Variants in MATK observed in about 807,000 individuals in gnomAD.
The protein encoded by MATK is megakaryocyte-associated tyrosine-protein kinase.
MATK carries 41 observed loss-of-function variants against 59.8 expected under a neutral mutation model. That is an observed-to-expected ratio of 0.69 (90% CI 0.53 to 0.89). MATK has a LOEUF of 0.89. Ranked by LOEUF, MATK falls within the 40% of genes least tolerant of loss-of-function variation. The pLI, the probability that MATK is intolerant of heterozygous loss-of-function variation, is 0.00. For synonymous variants in MATK, 308 were observed against 306.1 expected, an observed-to-expected ratio of 1.01 and a Z score of -0.06; for missense variants, 593 against 719.6, an observed-to-expected ratio of 0.82 and a Z score of 2.01.
chr19:3,795,290 T>TTTA (rs2037583626), intron 1 of MATK, among the ~76,000 whole-genome samples: 1 of 150,996 alleles, frequency 6.6e-6, no homozygotes. Context: ...TTTTTTTTTT[T>TTTA]GAGACAGAGT....
intron 8 of MATK, among the ~76,000 whole-genome samples, chr19:3,780,398 T>A (rs1462394936): frequency 6.6e-6 from 1 of 152,134 alleles, no homozygotes; most frequent in Non-Finnish European, 1.5e-5. Flanking sequence ...ACCCTTCAGC[T>A]CAAAATGTTT....
chr19:3,789,520 C>G (rs73535363), upstream of MATK: 2 of 524,260 alleles, frequency 3.8e-6, no homozygotes, highest in Non-Finnish European at 3.4e-6. Flanking sequence ...CAGAGAAGGG[C>G]GGACTTAAGG....
intron 1 of MATK, among the ~76,000 whole-genome samples, chr19:3,792,918 G>A (rs956464251): frequency 6.6e-6 from 1 of 152,210 alleles, no homozygotes; most frequent in African/African-American, 2.4e-5. Context: ...CATGGAAGCC[G>A]TCCCCGGCCT....
chr19:3,792,265 TCTC>T (rs1326975906), intron 1 of MATK, among the ~76,000 whole-genome samples: 3 of 152,104 alleles, frequency 2.0e-5, no homozygotes, highest in Non-Finnish European at 4.4e-5. Context: ...TTCTTATTCT[TCTC>T]TACAAATACT....
chr19:3,786,808 T>G (rs1318278007), upstream of MATK, among the ~76,000 whole-genome samples: 1 of 151,972 alleles, frequency 6.6e-6, no homozygotes, highest in East Asian at 1.9e-4. This position sits in a 1 kb window ranked among gnomAD's most constrained non-coding sequence, Gnocchi z 4.1. Context: ...ATCATCAACA[T>G]TAAGGGAAAA....
chr19:3,792,913 A>G (rs1478924674), intron 1 of MATK, among the ~76,000 whole-genome samples: 2 of 152,186 alleles, frequency 1.3e-5, no homozygotes, highest in Admixed American at 1.3e-4. Context: ...GCCTCCATGG[A>G]AGCCGTCCCC....
At chr19:3,788,755 T>C (rs896925308), upstream of MATK, among the ~76,000 whole-genome samples, 2 of 150,532 alleles carry the variant, frequency 1.3e-5, no homozygotes, top group African/African-American at 4.9e-5. Flanking sequence ...GCCACTGCAC[T>C]ATCTCAGCTC....
intron 3 of MATK, 138 bp from the exon 4 acceptor site, chr19:3,784,589 CA>C: frequency 1.5e-6 from 1 of 665,900 alleles, no homozygotes; most frequent in Non-Finnish European, 2.6e-6. Flanking sequence ...AAAACAGACG[CA>C]GACATCGGGG....
rs1449263803 is a variant in MATK, at chr19:3,779,395, C to T, written c.984G>A (p.Gln328=). ...CCACTTACAGAGAAAACTGCAGGAG[C>T]TGAGCGGTGTTCACGAGGGCTCGAC... The part of the protein sequence containing the change: ...TRGRALVNTA[Q]LLQFSLHVAE... Residue 328 remains glutamine (Q), a synonymous_variant, in exon 11 of 14, where the codon CAG becomes CAA. Transcript: ENST00000310132. 6.2e-7 allele frequency: 1 copy of T among 1,613,340 alleles called. No homozygotes were observed. The highest frequency in any genetic ancestry group is 8.5e-7 in the Non-Finnish European group (1 of 1,180,014).
intron 1 of MATK, among the ~76,000 whole-genome samples, chr19:3,792,364 T>C (rs555734236): frequency 1.3e-5 from 2 of 152,200 alleles, no homozygotes; most frequent in South Asian, 4.2e-4. Context: ...AGGGTTGGGA[T>C]TGGCTGGCTG....
In MATK at chr19:3,778,603, G is replaced by A; in HGVS notation, c.1198-8C>T. On this transcript the variant is annotated splice_polypyrimidine_tract_variant and splice_region_variant and intron_variant, in intron 12 of 13. Transcript: ENST00000310132. ...CGACTTGCTGGTGAACTTCTGTGGG[G>A]CCCGAGACGGGGGTGAGGAGGGACC... The A allele has an allele frequency of 6.2e-7, 1 of 1,606,492 alleles. No homozygotes were observed. Among genetic ancestry groups the A allele is most frequent in the Non-Finnish European group, 8.5e-7 (1 of 1,176,630 alleles).
intron 1 of MATK, among the ~76,000 whole-genome samples, chr19:3,799,032 T>G (rs2037620314): frequency 6.6e-6 from 1 of 151,364 alleles, no homozygotes; most frequent in Non-Finnish European, 1.5e-5. Context: ...CTCAAACTCC[T>G]GGGCTCAAGT....
Position 3,795,215 on chromosome 19 carries a change from G to A in MATK, c.-57-5811C>T, listed in dbSNP as rs1599208221. 3.3e-5 allele frequency among the ~76,000 whole-genome samples: 5 copies of A among 149,270 alleles called. 1 individual carries two copies. In the Admixed American group the frequency reaches 3.4e-4, roughly 10 times the overall value. ...GATGGTCTCGATCTCCTGACCTCGT[G>A]ATCCGCCCACCTCGGCCTCCCAAAG... On this transcript the variant is annotated intron_variant, in intron 1 of 13. Coordinates refer to the MATK transcript ENST00000395045.
chr19:3,779,123 G>A lies in MATK; in HGVS notation c.1066C>T (p.Arg356Cys), dbSNP rs1446673737. 3 of 1,609,694 alleles carry A rather than the reference G, an allele frequency of 1.9e-6. No individual in the cohort carries two copies. Among genetic ancestry groups the A allele is most frequent in the Non-Finnish European group, 1.7e-6 (2 of 1,179,072 alleles). ...AGGTCCTCTGAGACCAGGATGTTGC[G>A]GGCGGCCAGGTCGCGGTGCACAAGC... is the stretch of plus-strand genomic sequence containing the variant. The part of the protein sequence containing the change: ...KKLVHRDLAA[R>C]NILVSEDLVA... Residue 356 changes from arginine to cysteine, a missense_variant, in exon 12 of 14, where the codon CGC (arginine) becomes TGC (cysteine). Coordinates refer to ENST00000310132, the MANE Select transcript of MATK (RefSeq NM_139355.3).
chr19:3,793,729 C>T (rs573426114), intron 1 of MATK, among the ~76,000 whole-genome samples: 5 of 147,268 alleles, frequency 3.4e-5, no homozygotes, highest in South Asian at 2.1e-4. Context: ...ATTAGCTGGG[C>T]GTGGTGGCAT....
upstream of MATK, among the ~76,000 whole-genome samples, chr19:3,790,751 A>T (rs939219369): frequency 2.6e-5 from 4 of 152,110 alleles, no homozygotes; most frequent in Non-Finnish European, 5.9e-5. Context: ...TCTCCCACAC[A>T]CAACTCATGT....
chr19:3,781,809 T>A (rs528133555), intron 7 of MATK, 137 bp from the exon 8 acceptor site: 3 of 708,704 alleles, frequency 4.2e-6, no homozygotes, highest in East Asian at 5.4e-5. Flanking sequence ...CTGCTGGGCC[T>A]GGCAATGCCC....
upstream of MATK, among the ~76,000 whole-genome samples, chr19:3,790,710 C>T (rs570960375): frequency 1.3e-5 from 2 of 152,314 alleles, no homozygotes; most frequent in South Asian, 2.1e-4. Context: ...TGCCCTTCCC[C>T]GCCGTGTCCA....
chr19:3,800,074 G>A (rs551081110), intron 1 of MATK, among the ~76,000 whole-genome samples: 83 of 151,338 alleles, frequency 5.5e-4, no homozygotes, highest in African/African-American at 1.8e-3. Context: ...CCCGGGAGGC[G>A]GAGCCTGCAG....
Sources: gnomAD v4.1 joint callset for allele counts (sites outside exome capture counted in the v4.1 genomes callset) on GRCh38, gnomAD v4.1.1 for gene constraint, Gnocchi (gnomAD v3.1) non-coding constraint, MANE v1.5 for transcripts, NCBI Gene and HGNC (gene_info 2026-07-23, HGNC 2026-07-21) for gene names.